HIVEP1: variants seen among roughly 807,000 people sequenced by gnomAD.
The protein encoded by HIVEP1 is zinc finger protein 40.
Under a neutral mutation model 180.0 loss-of-function variants are expected in HIVEP1, and 36 were observed. The observed-to-expected ratio is 0.20, with a 90% CI of 0.15 to 0.26. HIVEP1 has a LOEUF of 0.26. HIVEP1 is among the 10% of genes least tolerant of loss of function. The pLI is 1.00. For missense variants in HIVEP1, 3,143 were observed against 3,268.7 expected (o/e 0.96, Z 0.94); for synonymous variants, 1,239 against 1,239.0 (o/e 1.00, Z 0.00).
the HIVEP1 span, among the ~76,000 whole-genome samples, chr6:12,190,044 T>G: frequency 1.3e-5 from 2 of 152,216 alleles, no homozygotes; most frequent in African/African-American, 4.8e-5. Context: ...TAGAACAATG[T>G]GTATATTATG....
the HIVEP1 span, among the ~76,000 whole-genome samples, chr6:12,188,092 G>A: frequency 6.6e-6 from 1 of 152,082 alleles, no homozygotes; most frequent in African/African-American, 2.4e-5. Context: ...GATATTTTCA[G>A]TTAATAAAAG....
chr6:12,166,777 TGTGGAGA>T (rs1330871206), downstream of HIVEP1, among the ~76,000 whole-genome samples: 1 of 152,206 alleles, frequency 6.6e-6, no homozygotes, highest in Non-Finnish European at 1.5e-5. Context: ...CACTGTCGTG[TGTGGAGA>T]CCCAGGCCTG....
chr6:12,197,730 T>G, the HIVEP1 span, among the ~76,000 whole-genome samples: 1 of 152,090 alleles, frequency 6.6e-6, no homozygotes, highest in Admixed American at 6.6e-5. Context: ...AGGATCTGAT[T>G]TGCATTTCAG....
At chr6:12,138,659 G>A (rs139534593) in intron 7 of HIVEP1, among the ~76,000 whole-genome samples, 5 of 151,932 alleles carry the variant, frequency 3.3e-5, no homozygotes, top group African/African-American at 1.2e-4. Context: ...AGTCTCATCC[G>A]GTCTCCTGAC....
At chr6:12,097,518 G>A (rs926317607) in intron 3 of HIVEP1, among the ~76,000 whole-genome samples, 10 of 152,060 alleles carry the variant, frequency 6.6e-5, no homozygotes, top group South Asian at 4.1e-4. Flanking sequence ...TTTTAGAAAA[G>A]AAAGTCATCT....
chr6:12,070,500 G>A (rs746478983), intron 2 of HIVEP1, among the ~76,000 whole-genome samples: 1 of 152,100 alleles, frequency 6.6e-6, no homozygotes, highest in Non-Finnish European at 1.5e-5. Flanking sequence ...CCAGTGCGTG[G>A]CCAACATGGT....
intron 2 of HIVEP1, among the ~76,000 whole-genome samples, chr6:12,043,212 AC>A (rs1769889399): frequency 6.6e-6 from 1 of 152,010 alleles, no homozygotes; most frequent in Admixed American, 6.6e-5. Context: ...AAATACCCTA[AC>A]TTTTGATTCT....
At chr6:12,022,051 A>G (rs1220734463) in intron 2 of HIVEP1, among the ~76,000 whole-genome samples, 1 of 152,234 alleles carries the variant, frequency 6.6e-6, no homozygotes, top group East Asian at 1.9e-4. Context: ...TCGAGTAGGA[A>G]ATGCTTCTTC....
chr6:12,102,476 T>C (rs1024337809), intron 3 of HIVEP1, among the ~76,000 whole-genome samples: 3 of 145,820 alleles, frequency 2.1e-5, no homozygotes, highest in African/African-American at 7.6e-5. Context: ...ACATTGTCCC[T>C]AAGAGGAGGA....
In HIVEP1 at chr6:12,031,316, C is replaced by A. The variant is rs1016546996; in HGVS notation, c.40+15648C>A. 1.1e-4 allele frequency among the ~76,000 whole-genome samples: 16 copies of A among 152,120 alleles called. 1 individual carries two copies. Among genetic ancestry groups the A allele is most frequent in the African/African-American group, 3.6e-4 (15 of 41,408 alleles). On this transcript the variant is annotated intron_variant, in intron 2 of 8. Coordinates refer to ENST00000379388, the MANE Select transcript of HIVEP1 (RefSeq NM_002114.4). ...GAGTGTGCAGAGGTTAGGAGACTGCCCTAGTGTTGGTGACACATGTGCAGA... is the reference window on the plus strand; with the variant it reads ...GAGTGTGCAGAGGTTAGGAGACTGCACTAGTGTTGGTGACACATGTGCAGA...
chr6:12,058,235 A>G (rs2113742863), intron 2 of HIVEP1, among the ~76,000 whole-genome samples: 1 of 152,336 alleles, frequency 6.6e-6, no homozygotes, highest in South Asian at 2.1e-4. Context: ...GGAAAAAAAA[A>G]AAGTGTAAAA....
intron 6 of HIVEP1, among the ~76,000 whole-genome samples, chr6:12,133,885 A>C (rs1257085082): frequency 6.6e-6 from 1 of 151,994 alleles, no homozygotes; most frequent in African/African-American, 2.4e-5. Flanking sequence ...GGCTGAGGCA[A>C]AAGAATGGCT....
chr6:12,090,735 C>CTTTTTTTTTTTTTTTT (rs35266647), intron 3 of HIVEP1, among the ~76,000 whole-genome samples: 7 of 82,438 alleles, frequency 8.5e-5, no homozygotes, highest in African/African-American at 3.3e-4. Flanking sequence ...TATAGCCAGC[C>CTTTTTTTTTTTTTTTT]TTTTTTTTTT....
intron 1 of HIVEP1, among the ~76,000 whole-genome samples, chr6:12,013,118 C>T (rs1767490806): frequency 6.6e-6 from 1 of 152,106 alleles, no homozygotes; most frequent in Admixed American, 6.6e-5. Context: ...GAGGAGGAGT[C>T]TCAGGGCTGC....
intron 2 of HIVEP1, among the ~76,000 whole-genome samples, chr6:12,061,296 A>G (rs1771214896): frequency 6.6e-6 from 1 of 152,276 alleles, no homozygotes; most frequent in Non-Finnish European, 1.5e-5. Flanking sequence ...CACCCTGGTT[A>G]TAAAAAGAGA....
At chr6:12,141,718 A>AAAAAAAAAAAAAAAAAAAAAAAAAC (rs1759047496) in intron 7 of HIVEP1, among the ~76,000 whole-genome samples, 1 of 143,722 alleles carries the variant, frequency 7.0e-6, no homozygotes, top group Non-Finnish European at 1.5e-5. Flanking sequence ...AAAAAAAAAA[A>AAAAAAAAAAAAAAAAAAAAAAAAAC]AAGCAGGGGT....
At chr6:12,010,266 A>G (rs1258904008), upstream of HIVEP1, among the ~76,000 whole-genome samples, 1 of 152,228 alleles carries the variant, frequency 6.6e-6, no homozygotes, top group Non-Finnish European at 1.5e-5. Context: ...ACACAGTTGG[A>G]TGATCTTTGC....
At chr6:12,073,261 C>G (rs1772109172) in intron 2 of HIVEP1, among the ~76,000 whole-genome samples, 1 of 152,140 alleles carries the variant, frequency 6.6e-6, no homozygotes, top group Non-Finnish European at 1.5e-5. Context: ...AGCTCCTTGT[C>G]CCCCATATTG....
At chr6:12,061,502 G>A (rs1258048124) in intron 2 of HIVEP1, among the ~76,000 whole-genome samples, 5 of 152,110 alleles carry the variant, frequency 3.3e-5, no homozygotes, top group African/African-American at 9.7e-5. Context: ...GAAGAAAAAC[G>A]AAACAATGAA....
Sources: gnomAD v4.1 joint callset for allele counts (sites outside exome capture counted in the v4.1 genomes callset) on GRCh38, gnomAD v4.1.1 for gene constraint, MANE v1.5 for transcripts, NCBI Gene and HGNC (gene_info 2026-07-23, HGNC 2026-07-21) for gene names.